LRCH2: variants seen among roughly 807,000 people sequenced by gnomAD.
The protein encoded by LRCH2 is leucine rich repeats and calponin homology domain containing 2.
LRCH2 carries 38 observed loss-of-function variants against 68.9 expected under a neutral mutation model. The observed-to-expected ratio is 0.55, with a 90% CI of 0.43 to 0.72. The LOEUF is 0.72. Ranked by LOEUF, LRCH2 falls within the 30% of genes least tolerant of loss-of-function variation. LRCH2 has a pLI of 0.00. For missense variants in LRCH2, 528 were observed against 572.9 expected, an observed-to-expected ratio of 0.92 and a Z score of 0.80; for synonymous variants, 191 against 208.1, an observed-to-expected ratio of 0.92 and a Z score of 0.71.
At position 115,161,671 on chromosome X, in the gene LRCH2, T is replaced by C. The variant is rs948213421; in HGVS notation, c.1463+2005A>G. ...AATCAAAAATATTATGTATTTACTA[T>C]GTATAAGGCACAGTGCTAGATGCTA... On this transcript the variant is annotated intron_variant, in intron 11 of 20. Transcript: ENST00000317135. Among the ~76,000 whole-genome samples the C allele has an allele frequency of 2.7e-5, 3 of 111,163 alleles. No homozygotes were observed. In the South Asian group the frequency reaches 1.1e-3, roughly 42 times the overall value.
chrX:115,216,247 T>C (rs2073041216), intron 1 of LRCH2, among the ~76,000 whole-genome samples: 1 of 111,897 alleles, frequency 8.9e-6, no homozygotes, highest in African/African-American at 3.2e-5. Flanking sequence ...AGCAATAGTT[T>C]TCTTTAAAGA....
intron 20 of LRCH2, among the ~76,000 whole-genome samples, chrX:115,115,479 T>A (rs1556523765): frequency 9.0e-6 from 1 of 110,726 alleles, no homozygotes; most frequent in Non-Finnish European, 1.9e-5. Flanking sequence ...CAAATGGTGC[T>A]GGGAAAATTG....
intron 1 of LRCH2, among the ~76,000 whole-genome samples, chrX:115,194,401 G>A (rs918724026): frequency 6.3e-5 from 7 of 111,932 alleles, no homozygotes; most frequent in African/African-American, 2.3e-4. Context: ...AGAAAGTGAA[G>A]TCACTGTTTT....
At chrX:115,219,152 A>G (rs1163728575) in intron 1 of LRCH2, among the ~76,000 whole-genome samples, 1 of 112,302 alleles carries the variant, frequency 8.9e-6, no homozygotes, top group Non-Finnish European at 1.9e-5. Flanking sequence ...AAACAAAAGT[A>G]GTCCTTGAGA....
At chrX:115,159,555 T>A (rs1483484441) in intron 11 of LRCH2, among the ~76,000 whole-genome samples, 1 of 109,199 alleles carries the variant, frequency 9.2e-6, no homozygotes, top group Non-Finnish European at 1.9e-5. Context: ...ATTGAGACCA[T>A]CCTGGCTAAC....
intron 14 of LRCH2, among the ~76,000 whole-genome samples, chrX:115,147,588 A>G (rs1331482430): frequency 9.0e-6 from 1 of 111,540 alleles, no homozygotes; most frequent in Non-Finnish European, 1.9e-5. Flanking sequence ...ACTTTATAAC[A>G]TAACTAATAT....
At chrX:115,115,221 T>C (rs1556523710) in intron 20 of LRCH2, among the ~76,000 whole-genome samples, 1 of 110,515 alleles carries the variant, frequency 9.0e-6, no homozygotes, top group Non-Finnish European at 1.9e-5. Context: ...AAAATTGATA[T>C]GGAAATGCAA....
At chrX:115,203,721 G>A (rs1289422446) in intron 1 of LRCH2, among the ~76,000 whole-genome samples, 2 of 112,545 alleles carry the variant, frequency 1.8e-5, no homozygotes, top group African/African-American at 6.5e-5. Context: ...GGAAGGGGTG[G>A]GTTCCCAAGG....
chrX:115,131,370 C>T (rs1011585578), intron 14 of LRCH2, among the ~76,000 whole-genome samples: 13 of 109,414 alleles, frequency 1.2e-4, no homozygotes, highest in South Asian at 4.0e-4. Flanking sequence ...GTTTTCTGTC[C>T]TTGCGACAGT....
chrX:115,191,200 G>C lies in LRCH2; in HGVS notation c.350-2830C>G, dbSNP rs199555424. 332 of 1,157,886 alleles carry C rather than the reference G, an allele frequency of 2.9e-4. No individual in the cohort carries two copies. The East Asian group carries it at 0.011, about 38-fold the overall frequency. ...TTCCAGCCAGAGCAACCGCTACGGA[G>C]GAGGAGGCTGCTACGAGGAGTACCG... On this transcript the variant is annotated intron_variant, in intron 1 of 20. Coordinates refer to ENST00000317135, the MANE Select transcript of LRCH2 (RefSeq NM_020871.4).
intron 1 of LRCH2, among the ~76,000 whole-genome samples, chrX:115,199,928 G>T (rs2072918163): frequency 8.9e-6 from 1 of 112,120 alleles, no homozygotes; most frequent in Non-Finnish European, 1.9e-5. Flanking sequence ...GTTTAAAAAT[G>T]AAATCCTATC....
At chrX:115,210,788 A>G (rs184261309) in intron 1 of LRCH2, among the ~76,000 whole-genome samples, 275 of 111,806 alleles carry the variant, frequency 2.5e-3, no homozygotes, top group African/African-American at 8.2e-3. Context: ...GCTGCTCAAG[A>G]CCATAGGAAC....
chrX:115,117,209 T>C (rs980286636), intron 20 of LRCH2, among the ~76,000 whole-genome samples: 1 of 111,473 alleles, frequency 9.0e-6, no homozygotes, highest in Non-Finnish European at 1.9e-5. Flanking sequence ...TCATTAGTCT[T>C]TAGGAAAATG....
At chrX:115,205,624 A>G (rs2072960807) in intron 1 of LRCH2, among the ~76,000 whole-genome samples, 1 of 111,738 alleles carries the variant, frequency 8.9e-6, no homozygotes, top group Admixed American at 9.5e-5. Flanking sequence ...TAAACCTAAA[A>G]CTTCTGAAAA....
At chrX:115,160,093 A>G (rs940552856) in intron 11 of LRCH2, among the ~76,000 whole-genome samples, 3 of 110,951 alleles carry the variant, frequency 2.7e-5, no homozygotes, top group Non-Finnish European at 5.7e-5. Flanking sequence ...TGAGGCGGGC[A>G]GATCACGAGG....
At chrX:115,218,833 T>C (rs1556572623) in intron 1 of LRCH2, among the ~76,000 whole-genome samples, 1 of 112,167 alleles carries the variant, frequency 8.9e-6, no homozygotes, top group African/African-American at 3.2e-5. Context: ...ACTTTCCCTT[T>C]CGATAAATCT....
chrX:115,142,520 G>T (rs183395729), intron 14 of LRCH2, among the ~76,000 whole-genome samples: 233 of 111,547 alleles, frequency 2.1e-3, no homozygotes, highest in Non-Finnish European at 1.9e-3. Flanking sequence ...ATAAGAAGAA[G>T]AATTTTTAAA....
At chrX:115,198,482 G>GA (rs2147341049) in intron 1 of LRCH2, 1 of 113,816 alleles carries the variant, frequency 8.8e-6, no homozygotes, top group African/African-American at 3.3e-5. Context: ...GCCACAAGTT[G>GA]ACCAAGAATT....
At chrX:115,231,325 G>C (rs187976328) in intron 1 of LRCH2, among the ~76,000 whole-genome samples, 1 of 111,505 alleles carries the variant, frequency 9.0e-6, no homozygotes, top group African/African-American at 3.3e-5. Flanking sequence ...GTGTGTGTAT[G>C]TATGTACATA....
Sources: gnomAD v4.1 joint callset for allele counts (sites outside exome capture counted in the v4.1 genomes callset) on GRCh38, gnomAD v4.1.1 for gene constraint, MANE v1.5 for transcripts, NCBI Gene and HGNC (gene_info 2026-07-23, HGNC 2026-07-21) for gene names.